Variants in CCKAR observed in about 807,000 individuals in gnomAD.
CCKAR encodes cholecystokinin A receptor, also known as cholecystokinin receptor type A.
CCKAR carries 21 observed loss-of-function variants against 29.8 expected under a neutral mutation model. The observed-to-expected ratio is 0.70, with a 90% confidence interval of 0.50 to 1.01. CCKAR has a LOEUF of 1.01. Ranked by LOEUF, CCKAR falls within the 50% of genes least tolerant of loss-of-function variation. The probability of loss-of-function intolerance (pLI) is 0.00; values close to 1 mark genes in which losing one functional copy is unlikely to be tolerated. For synonymous variants in CCKAR, 238 were observed against 221.3 expected, an observed-to-expected ratio of 1.08 and a Z score of -0.67; for missense variants, 570 against 560.6, an observed-to-expected ratio of 1.02 and a Z score of -0.17.
intron 4 of CCKAR, 112 bp downstream of exon 4, chr4:26,483,044 C>T (rs1737383106): frequency 3.7e-6 from 4 of 1,089,480 alleles, no homozygotes; most frequent in Non-Finnish European, 5.2e-6. Context: ...CATAAGAATA[C>T]TTAAAAGCTT....
chr4:26,488,511 T>C (rs529506067), intron 2 of CCKAR, among the ~76,000 whole-genome samples: 16 of 152,298 alleles, frequency 1.1e-4, no homozygotes, highest in Admixed American at 9.8e-4. Flanking sequence ...GCTAAAAAAA[T>C]TTAGCTCTTA....
At position 26,483,204 on chromosome 4, in the gene CCKAR, G is replaced by A. The variant is rs1040865701; in HGVS notation, c.706C>T (p.Leu236Phe). The change falls in exon 4 of 5, where the codon CTC (leucine) becomes TTC (phenylalanine). Residue 236 changes from leucine (L) to phenylalanine (F), a missense_variant. Leu to Phe is a conservative substitution (Grantham distance 22). Transcript: ENST00000295589. Reference sequence around the variant, plus strand: ...GCCTCAAATTTTATTCCCTGGTAGAGTTCCAAAGAGATTAATCCATATGCC... The same window carrying A: ...GCCTCAAATTTTATTCCCTGGTAGAATTCCAAAGAGATTAATCCATATGCC... ...MVAYGLISLELYQGIKFEASQ... is the reference protein window; with the variant it reads ...MVAYGLISLEFYQGIKFEASQ... 1.2e-6 allele frequency: 2 copies of A among 1,613,666 alleles called. No individual in the cohort carries two copies. The highest frequency in any genetic ancestry group is 2.7e-5 in the African/African-American group (2 of 74,916).
In CCKAR at chr4:26,485,603, G is replaced by A. The variant is rs772990386; in HGVS notation, c.626+34C>T. The A allele has an allele frequency of 1.9e-6, 3 of 1,607,262 alleles. No individual in the cohort carries two copies. The East Asian group carries it at 6.7e-5, about 36-fold the overall frequency. On this transcript the variant is annotated intron_variant, in intron 3 of 4. Transcript: ENST00000295589. ...TCATGATATTGCAAAATTACATCAA[G>A]CTGTATTTTTAAAAATAAACAATGC...
chr4:26,487,812 A>G (rs1737477680), intron 2 of CCKAR, among the ~76,000 whole-genome samples: 1 of 152,210 alleles, frequency 6.6e-6, no homozygotes, highest in African/African-American at 2.4e-5. Flanking sequence ...AGGTTCCCAA[A>G]TAGTATTACC....
At position 26,481,917 on chromosome 4, in the gene CCKAR, C is replaced by A; in HGVS notation, c.1008G>T (p.Arg336=). Residue 336 remains arginine, a synonymous_variant, in exon 5 of 5, where the codon CGG becomes CGT. Coordinates refer to ENST00000295589, the MANE Select transcript of CCKAR (RefSeq NM_000730.3). ...WMPIFSANAW[R]AYDTASAERR... ...GCTCTGCGGAGGCGGTGTCGTAGGCCCGCCAGGCGTTGGCGCTGAAGATGG... is the reference window on the plus strand; with the variant it reads ...GCTCTGCGGAGGCGGTGTCGTAGGCACGCCAGGCGTTGGCGCTGAAGATGG... The A allele has an allele frequency of 6.2e-7, 1 of 1,614,226 alleles. No homozygotes were observed. The highest frequency in any genetic ancestry group is 1.7e-5 in the Admixed American group (1 of 60,028).
chr4:26,490,082 T>A (rs1299953888), intron 1 of CCKAR, 74 bp downstream of exon 1: 1 of 894,026 alleles, frequency 1.1e-6, no homozygotes, highest in African/African-American at 1.7e-5. Context: ...ATATTTTTTA[T>A]CAGCCTTGCC....
chr4:26,490,120 G>A (rs774176022), intron 1 of CCKAR, 36 bp downstream of exon 1: 2 of 1,370,758 alleles, frequency 1.5e-6, no homozygotes, highest in East Asian at 2.3e-5. Flanking sequence ...CAACTCAATA[G>A]TTTCCTGAAT....
chr4:26,485,708 A>T lies in CCKAR; in HGVS notation c.555T>A (p.Phe185Leu). Reference sequence around the variant, plus strand: ...TCGCGGTCTGGTTGTTATTTTTGGTAAAAGGCACCAAGTTGCTATAAATGG... The same window carrying T: ...TCGCGGTCTGGTTGTTATTTTTGGTTAAAGGCACCAAGTTGCTATAAATGG... ...PYPIYSNLVP[F>L]TKNNNQTANM... The change falls in exon 3 of 5, where the codon TTT (phenylalanine) becomes TTA (leucine). Residue 185 changes from phenylalanine to leucine, a missense_variant. Physicochemically the swap from Phe to Leu is conservative, Grantham distance 22. Transcript: ENST00000295589. 1 of 1,614,194 alleles carries T rather than the reference A, an allele frequency of 6.2e-7. No individual in the cohort carries two copies.
intron 3 of CCKAR, among the ~76,000 whole-genome samples, chr4:26,484,070 G>C (rs1469566196): frequency 6.6e-6 from 1 of 152,138 alleles, no homozygotes; most frequent in Non-Finnish European, 1.5e-5. Context: ...TGCCTGGTTG[G>C]GTAGAGCTAT....
At position 26,483,404 on chromosome 4, in the gene CCKAR, AT is replaced by A. The variant is rs1737390052; in HGVS notation, c.627-122del. On this transcript the variant is annotated intron_variant, in intron 3 of 4. Coordinates refer to ENST00000295589, the MANE Select transcript of CCKAR (RefSeq NM_000730.3). Reference sequence around the variant, plus strand: ...CTGAGCAAACACATTAATTACTAGTATTTAATATCCTTGGCAACTTCATGTC... The same window carrying A: ...CTGAGCAAACACATTAATTACTAGTATTAATATCCTTGGCAACTTCATGTC... The A allele has an allele frequency of 1.3e-5, 11 of 878,854 alleles. No individual in the cohort carries two copies. In the South Asian group the frequency reaches 2.5e-4, roughly 20 times the overall value. 54.4% of individuals were successfully genotyped at this position (878,854 alleles called of 1,614,324 possible). A position where few individuals can be genotyped will look rare whatever the true frequency, so the allele number is the denominator to read the frequency against.
At chr4:26,483,520 C>T (rs1260244913) in intron 3 of CCKAR, among the ~76,000 whole-genome samples, 1 of 151,930 alleles carries the variant, frequency 6.6e-6, no homozygotes, top group Admixed American at 6.6e-5. Flanking sequence ...AAAAGTTTGG[C>T]GTAATTCTGT....
Position 26,481,530 on chromosome 4 carries a change from C to T in CCKAR, c.*108G>A. The T allele has an allele frequency of 8.4e-7, 1 of 1,196,164 alleles. No homozygotes were observed. The highest frequency in any genetic ancestry group is 1.9e-5 in the Admixed American group (1 of 53,810). The allele number at this position is 1,196,164 out of a possible 1,614,324, so 74.1% of individuals were successfully genotyped here. Reference sequence around the variant, plus strand: ...TGAAGAGTTCCCACTGGAGATGGAGCCTTCCTTCTCCATCAGCTCTGCTCC... The same window carrying T: ...TGAAGAGTTCCCACTGGAGATGGAGTCTTCCTTCTCCATCAGCTCTGCTCC... On this transcript the variant is annotated 3_prime_UTR_variant, in exon 5 of 5. Coordinates refer to ENST00000295589, the MANE Select transcript of CCKAR (RefSeq NM_000730.3).
chr4:26,489,357 G>A lies in CCKAR; in HGVS notation c.240C>T (p.Leu80=), dbSNP rs762000293. 2 of 1,614,200 alleles carry A rather than the reference G, an allele frequency of 1.2e-6. No homozygotes were observed. The highest frequency in any genetic ancestry group is 1.7e-5 in the Admixed American group (1 of 60,022). The change falls in exon 2 of 5, where the codon CTC becomes CTT. Residue 80 remains leucine, a synonymous_variant. Transcript: ENST00000295589. ...TGAGGTCGCTGACAGCCAGGGAGAGGAGGAAGATGTTGGTGACCGTCCGCA... is the reference window on the plus strand; with the variant it reads ...TGAGGTCGCTGACAGCCAGGGAGAGAAGGAAGATGTTGGTGACCGTCCGCA... ...KRMRTVTNIF[L]LSLAVSDLML... is the part of the protein sequence containing the mutation.
intron 1 of CCKAR, among the ~76,000 whole-genome samples, chr4:26,489,723 A>G (rs1487860587): frequency 1.3e-5 from 2 of 152,234 alleles, no homozygotes; most frequent in Non-Finnish European, 2.9e-5. Context: ...CTTTTTCTTA[A>G]GAACAAAGCT....
rs1458049154 is a variant in CCKAR at position 26,490,373 on chromosome 4, G to A, written c.-106C>T. ...TCTCGCAGATGCAACCTGCCGTGGAGGAGCAGGGAGGGAGTGATTTCCAGG... is the reference window on the plus strand; with the variant it reads ...TCTCGCAGATGCAACCTGCCGTGGAAGAGCAGGGAGGGAGTGATTTCCAGG... On this transcript the variant is annotated 5_prime_UTR_variant, in exon 1 of 5. Transcript: ENST00000295589. 3 of 737,066 alleles carry A rather than the reference G, an allele frequency of 4.1e-6. No homozygotes were observed. The highest frequency in any genetic ancestry group is 4.3e-5 in the Admixed American group (2 of 46,874). The allele number at this position is 737,066 out of a possible 1,614,324, so 45.7% of individuals were successfully genotyped here.
chr4:26,482,743 TGAG>T (rs936082864), intron 4 of CCKAR, among the ~76,000 whole-genome samples: 2 of 151,960 alleles, frequency 1.3e-5, no homozygotes, highest in Middle Eastern at 3.4e-3. Flanking sequence ...GGAGAGAGGA[TGAG>T]GAGGAGACAA....
At chr4:26,488,647 C>T (rs1027591023) in intron 2 of CCKAR, among the ~76,000 whole-genome samples, 49 of 150,688 alleles carry the variant, frequency 3.3e-4, no homozygotes, top group African/African-American at 1.1e-3. Context: ...GGGGCAGAGA[C>T]CTCTCTCTCT....
chr4:26,486,893 G>A (rs959797257), intron 2 of CCKAR, among the ~76,000 whole-genome samples: 12 of 152,084 alleles, frequency 7.9e-5, no homozygotes, highest in African/African-American at 2.4e-4. Context: ...CAGCCTGGGC[G>A]ACAGAGCGGC....
Position 26,481,554 on chromosome 4 carries a change from C to T in CCKAR, c.*84G>A. 1 of 1,447,026 alleles carries T rather than the reference C, an allele frequency of 6.9e-7. No individual in the cohort carries two copies. Among genetic ancestry groups the T allele is most frequent in the Non-Finnish European group, 9.7e-7 (1 of 1,035,626 alleles). The allele number at this position is 1,447,026 out of a possible 1,614,324, so 89.6% of individuals were successfully genotyped here. On this transcript the variant is annotated 3_prime_UTR_variant, in exon 5 of 5. Coordinates refer to ENST00000295589, the MANE Select transcript of CCKAR (RefSeq NM_000730.3). ...GCCTTCCTTCTCCATCAGCTCTGCT[C>T]CTTCTCTTCCTGATCTCTTCTTCCG...
Sources: gnomAD v4.1 joint callset for allele counts (sites outside exome capture counted in the v4.1 genomes callset) on GRCh38, gnomAD v4.1.1 for gene constraint, MANE v1.5 for transcripts, NCBI Gene and HGNC (gene_info 2026-07-23, HGNC 2026-07-21) for gene names.